CAMK4: variants seen among roughly 807,000 people sequenced by gnomAD.
CAMK4 encodes calcium/calmodulin-dependent protein kinase type IV.
Under a neutral mutation model 44.9 loss-of-function variants are expected in CAMK4, and 22 were observed. That is an observed-to-expected ratio of 0.49 (90% CI 0.35 to 0.70). The LOEUF (loss-of-function observed/expected upper bound fraction) is 0.70. Among genes scored for constraint, CAMK4 ranks in the 30% least tolerant of loss-of-function variants. CAMK4 has a pLI of 0.01. For synonymous variants in CAMK4, 218 were observed against 215.4 expected (o/e 1.01, Z -0.11); for missense variants, 498 against 586.8 (o/e 0.85, Z 1.56).
chr5:111,418,727 A>G (rs1752907656), intron 5 of CAMK4, among the ~76,000 whole-genome samples: 2 of 152,172 alleles, frequency 1.3e-5, no homozygotes, highest in South Asian at 4.2e-4. Flanking sequence ...TTTACTGAGA[A>G]TGATGGTTTC....
At chr5:111,372,500 C>T (rs1751047689) in intron 2 of CAMK4, among the ~76,000 whole-genome samples, 1 of 152,046 alleles carries the variant, frequency 6.6e-6, no homozygotes, top group African/African-American at 2.4e-5. Flanking sequence ...TGTTTCATGC[C>T]GTTTGGAAAG....
At chr5:111,285,259 A>G (rs1027454942) in intron 1 of CAMK4, among the ~76,000 whole-genome samples, 2 of 152,218 alleles carry the variant, frequency 1.3e-5, no homozygotes, top group Non-Finnish European at 2.9e-5. Context: ...AACTATACAC[A>G]TACACACACA....
At chr5:111,477,527 T>C (rs548993935) in intron 8 of CAMK4, among the ~76,000 whole-genome samples, 26 of 152,296 alleles carry the variant, frequency 1.7e-4, no homozygotes, top group African/African-American at 6.3e-4. Flanking sequence ...CCCTACTGAT[T>C]TTAGAACTTC....
At chr5:111,244,642 G>A (rs1356580609) in intron 1 of CAMK4, among the ~76,000 whole-genome samples, 1 of 152,130 alleles carries the variant, frequency 6.6e-6, no homozygotes, top group African/African-American at 2.4e-5. Context: ...GCAGGCGGAT[G>A]TCGAGGTCAG....
Position 111,484,242 on chromosome 5 carries a change from T to A in CAMK4, c.1198T>A (p.Leu400Ile), listed in dbSNP as rs367701970. The change falls in exon 11 of 11, where the codon TTA (leucine) becomes ATA (isoleucine). Residue 400 changes from leucine (L) to isoleucine (I), a missense_variant. Physicochemically the swap from Leu to Ile is conservative, Grantham distance 5. Around this residue, in one of 3 missense-constraint regions of CAMK4, gnomAD observed 143 missense variants for 144.9 expected, o/e 0.99. Transcript: ENST00000282356. This position sits in a 1 kb window ranked among gnomAD's most constrained non-coding sequence, Gnocchi z 5.3. ...AQAELMKVQA[L>I]EKVKGADINA... The stretch of plus-strand genomic sequence containing the variant: ...GGCTGAGCTGATGAAGGTGCAAGCC[T>A]TAGAGAAAGTTAAAGGTGCAGATAT... 8.0e-5 allele frequency: 129 copies of A among 1,613,896 alleles called. No homozygotes were observed. The highest frequency in any genetic ancestry group is 1.6e-4 in the Middle Eastern group (1 of 6,084).
intron 1 of CAMK4, among the ~76,000 whole-genome samples, chr5:111,309,733 A>G (rs933200301): frequency 6.6e-6 from 1 of 151,988 alleles, no homozygotes. Flanking sequence ...CTATTATCTC[A>G]CTAAAATGTC....
chr5:111,440,525 C>T (rs956776182), intron 5 of CAMK4, among the ~76,000 whole-genome samples: 5 of 151,454 alleles, frequency 3.3e-5, no homozygotes, highest in African/African-American at 9.7e-5. Flanking sequence ...TTCACTGAGA[C>T]CTTTTTCAAG....
At chr5:111,416,998 T>C (rs1752838210) in intron 5 of CAMK4, among the ~76,000 whole-genome samples, 1 of 152,236 alleles carries the variant, frequency 6.6e-6, no homozygotes, top group Admixed American at 6.5e-5. Context: ...TTAAAGTGTG[T>C]AATTGGAACT....
chr5:111,318,000 T>G (rs1266784967), intron 1 of CAMK4, among the ~76,000 whole-genome samples: 1 of 150,820 alleles, frequency 6.6e-6, no homozygotes, highest in African/African-American at 2.4e-5. Context: ...AAAAGCAGAT[T>G]TGTACTACAT....
rs1367698123 is a variant in CAMK4, at chr5:111,485,705, A to G, written c.*1239A>G. ...CAATGCAATTTATTTACCTTAAAAA[A>G]CAAACAAAAACAAAAATAAAGAAAA... On this transcript the variant is annotated 3_prime_UTR_variant, in exon 11 of 11. Transcript: ENST00000282356. 2 of 152,188 alleles carry G rather than the reference A, an allele frequency of 1.3e-5. No homozygotes were observed. Among genetic ancestry groups the G allele is most frequent in the Non-Finnish European group, 2.9e-5 (2 of 68,004 alleles). 9.4% of individuals were successfully genotyped at this position (152,188 alleles called of 1,614,324 possible). A position where few individuals can be genotyped will look rare whatever the true frequency, so the allele number is the denominator to read the frequency against.
chr5:111,295,844 C>T (rs1486968477), intron 1 of CAMK4, among the ~76,000 whole-genome samples: 6 of 152,084 alleles, frequency 3.9e-5, no homozygotes, highest in South Asian at 2.1e-4. Context: ...GTTTTGGTCA[C>T]GTGGTTTCAA....
chr5:111,464,660 CTG>C (rs754907147), intron 7 of CAMK4, among the ~76,000 whole-genome samples: 1 of 152,184 alleles, frequency 6.6e-6, no homozygotes. Context: ...CATTAAAAGA[CTG>C]TATCTAAACT....
At chr5:111,294,645 G>C (rs1038388162) in intron 1 of CAMK4, among the ~76,000 whole-genome samples, 4 of 151,466 alleles carry the variant, frequency 2.6e-5, no homozygotes, top group Non-Finnish European at 5.9e-5. Flanking sequence ...CACATGTTCT[G>C]TATTCTGTTT....
chr5:111,473,966 A>G (rs1277171184), intron 8 of CAMK4, among the ~76,000 whole-genome samples: 2 of 152,196 alleles, frequency 1.3e-5, no homozygotes, highest in Non-Finnish European at 2.9e-5. Context: ...TCCATTCCTG[A>G]GCTCCTGTCT....
intron 1 of CAMK4, among the ~76,000 whole-genome samples, chr5:111,261,681 T>A (rs1312653575): frequency 6.6e-6 from 1 of 151,976 alleles, no homozygotes. Context: ...GAGAATGCCC[T>A]CCATCCCTAC....
intron 1 of CAMK4, among the ~76,000 whole-genome samples, chr5:111,249,666 A>ATATATATATATG (rs1242789662): frequency 5.0e-5 from 7 of 140,732 alleles, no homozygotes; most frequent in African/African-American, 1.9e-4. Flanking sequence ...GTGTATATAT[A>ATATATATATATG]TGTGTGTGTG....
At chr5:111,381,025 C>T (rs1187498969) in intron 4 of CAMK4, among the ~76,000 whole-genome samples, 1 of 152,138 alleles carries the variant, frequency 6.6e-6, no homozygotes, top group East Asian at 1.9e-4. Context: ...CTTCTGTACC[C>T]TTAGCTCTGT....
At chr5:111,299,601 A>G (rs1747636249) in intron 1 of CAMK4, among the ~76,000 whole-genome samples, 1 of 152,216 alleles carries the variant, frequency 6.6e-6, no homozygotes, top group South Asian at 2.1e-4. Context: ...TATATTGAAT[A>G]TATTTTGAAT....
rs371262343 is a variant in CAMK4 at position 111,408,404 on chromosome 5, A to G, written c.459+13622A>G. On this transcript the variant is annotated intron_variant, in intron 5 of 10. Transcript: ENST00000282356. Reference sequence around the variant, plus strand: ...TGGTGACAGGCAAGAGGGCTTTTGCATCGGATCTTGTGAGACTTATTCACT... The same window carrying G: ...TGGTGACAGGCAAGAGGGCTTTTGCGTCGGATCTTGTGAGACTTATTCACT... Among the ~76,000 whole-genome samples the G allele has an allele frequency of 1.5e-4, 23 of 152,342 alleles. 1 individual carries two copies. The South Asian group carries it at 4.6e-3, about 30-fold the overall frequency.
Sources: gnomAD v4.1 joint callset for allele counts (sites outside exome capture counted in the v4.1 genomes callset) on GRCh38, gnomAD v4.1.1 for gene constraint, gnomAD v4.1.1 regional missense constraint, Gnocchi (gnomAD v3.1) non-coding constraint, MANE v1.5 for transcripts, NCBI Gene and HGNC (gene_info 2026-07-23, HGNC 2026-07-21) for gene names.